GPR4: variants seen among roughly 807,000 people sequenced by gnomAD.
The protein encoded by GPR4 is G protein-coupled receptor 4, also known as G-prodeshotein coupled receptor 4.
Under a neutral mutation model 17.8 loss-of-function variants are expected in GPR4, and 11 were observed. The observed-to-expected ratio is 0.62, with a 90% CI of 0.39 to 1.02. GPR4 has a LOEUF of 1.02. Ranked by LOEUF, GPR4 falls within the 50% of genes least tolerant of loss-of-function variation. The pLI, the probability that GPR4 is intolerant of heterozygous loss-of-function variation, is 0.00. For synonymous variants in GPR4, 219 were observed against 222.8 expected (o/e 0.98, Z 0.15); for missense variants, 364 against 495.4 (o/e 0.73, Z 2.52).
chr19:45,591,484 AGGCG>A lies in GPR4; in HGVS notation c.379_382del (p.Arg127CysfsTer10). The A allele has an allele frequency of 1.2e-6, 2 of 1,609,402 alleles. No individual in the cohort carries two copies. Among genetic ancestry groups the A allele is most frequent in the Non-Finnish European group, 8.5e-7 (1 of 1,178,002 alleles). ...GGCCACGGCGGTCTTGACGCGGCGC[AGGCG>A]GGCGAAGCGGAGTGGGTGGGCCACA... On this transcript the variant is annotated frameshift_variant, in exon 2 of 2. Coordinates refer to ENST00000323040, the MANE Select transcript of GPR4 (RefSeq NM_005282.3). LOFTEE classifies it high-confidence loss of function. This position sits in a 1 kb window ranked among gnomAD's most constrained non-coding sequence, Gnocchi z 7.6.
At position 45,590,898 on chromosome 19, in the gene GPR4, C is replaced by G; in HGVS notation, c.969G>C (p.Leu323=). ...PQEMANASLT[L]ETPLTSKRNS... is the part of the protein sequence containing the mutation. ...TCCTCTTGGAGGTGAGTGGGGTCTC[C>G]AGGGTGAGCGAGGCATTGGCCATCT... Residue 323 remains leucine, a synonymous_variant, in exon 2 of 2, where the codon CTG becomes CTC. Transcript: ENST00000323040. The G allele has an allele frequency of 6.2e-7, 1 of 1,614,122 alleles. No homozygotes were observed. Among genetic ancestry groups the G allele is most frequent in the Non-Finnish European group, 8.5e-7 (1 of 1,180,032 alleles).
At chr19:45,596,950 T>C (rs1422293240) in intron 1 of GPR4, among the ~76,000 whole-genome samples, 1 of 152,228 alleles carries the variant, frequency 6.6e-6, no homozygotes, top group African/African-American at 2.4e-5. Context: ...TCTGACCTGC[T>C]GGGGCAGCCT....
intron 1 of GPR4, among the ~76,000 whole-genome samples, chr19:45,594,076 A>ATATATATATATATATATATATATATTT (rs1555738331): frequency 2.7e-5 from 2 of 74,036 alleles, no homozygotes; most frequent in Admixed American, 1.4e-4. Context: ...ATATATATAT[A>ATATATATATATATATATATATATATTT]TATATATATA....
At chr19:45,600,229 A>C (rs572407573) in intron 1 of GPR4, among the ~76,000 whole-genome samples, 236 of 152,218 alleles carry the variant, frequency 1.6e-3, no homozygotes, top group Non-Finnish European at 2.6e-3. Flanking sequence ...CCCTTTCGCT[A>C]GTGGGCCTAG....
intron 1 of GPR4, among the ~76,000 whole-genome samples, chr19:45,594,637 C>G (rs918333327): frequency 6.6e-6 from 1 of 152,194 alleles, no homozygotes; most frequent in African/African-American, 2.4e-5. Flanking sequence ...AGAGTGCAGC[C>G]ATCTCTGCTC....
At chr19:45,596,595 C>T (rs962503668) in intron 1 of GPR4, among the ~76,000 whole-genome samples, 4 of 151,952 alleles carry the variant, frequency 2.6e-5, no homozygotes, top group Non-Finnish European at 2.9e-5. Flanking sequence ...CTCACTCTGT[C>T]ATGCAGTAGT....
intron 1 of GPR4, among the ~76,000 whole-genome samples, chr19:45,598,412 C>G (rs751667226): frequency 2.3e-4 from 35 of 152,072 alleles, no homozygotes; most frequent in Middle Eastern, 6.8e-3. Context: ...ACTCGGGTAC[C>G]CGGGCAGGAG....
intron 1 of GPR4, among the ~76,000 whole-genome samples, chr19:45,601,488 G>A (rs1388829347): frequency 6.6e-6 from 1 of 152,034 alleles, no homozygotes; most frequent in Non-Finnish European, 1.5e-5. Flanking sequence ...CTTAGAGTCC[G>A]CCTGCCCCAG....
intron 1 of GPR4, among the ~76,000 whole-genome samples, chr19:45,593,700 G>A (rs1281050361): frequency 6.6e-6 from 1 of 151,248 alleles, no homozygotes; most frequent in Non-Finnish European, 1.5e-5. Context: ...GGCCCAGAGA[G>A]GCTGAGTCAC....
intron 1 of GPR4, among the ~76,000 whole-genome samples, chr19:45,594,076 A>ATATATATATATATATATATATATATATTT (rs1555738331): frequency 1.4e-5 from 1 of 74,004 alleles, no homozygotes; most frequent in African/African-American, 9.8e-5. Context: ...ATATATATAT[A>ATATATATATATATATATATATATATATTT]TATATATATA....
rs747413837 is a variant in GPR4 at position 45,591,911 on chromosome 19, GC to G, written c.-46del. ...GGGGCGCTTCCCCTGGCCCACGGGG[GC>G]TGTGGGGCCACAGGGAGCGGGAGGC... On this transcript the variant is annotated 5_prime_UTR_variant, in exon 2 of 2. Transcript: ENST00000323040. The surrounding 1 kb of genome is among the most constrained non-coding windows in gnomAD (Gnocchi z 7.6). 27 of 1,523,118 alleles carry G rather than the reference GC, an allele frequency of 1.8e-5. No individual in the cohort carries two copies. In the South Asian group the frequency reaches 3.4e-4, roughly 19 times the overall value. 94.4% of individuals were successfully genotyped at this position (1,523,118 alleles called of 1,614,324 possible).
At position 45,591,807 on chromosome 19, in the gene GPR4, C is replaced by T; in HGVS notation, c.60G>A (p.Pro20=). 1.2e-6 allele frequency: 2 copies of T among 1,605,768 alleles called. No individual in the cohort carries two copies. The highest frequency in any genetic ancestry group is 8.5e-7 in the Non-Finnish European group (1 of 1,174,648). The change falls in exon 2 of 2, where the codon CCG becomes CCA. Residue 20 remains proline, a synonymous_variant. Transcript: ENST00000323040. The surrounding 1 kb of genome is among the most constrained non-coding windows in gnomAD (Gnocchi z 7.6). ...HVDSRVDHLF[P]PSLYIFVIGV... ...CGATGACAAAGATGTAGAGGGATGGCGGAAAGAGGTGGTCCACGCGCGAGT... is the reference window on the plus strand; with the variant it reads ...CGATGACAAAGATGTAGAGGGATGGTGGAAAGAGGTGGTCCACGCGCGAGT...
At chr19:45,597,583 A>G (rs1970070469) in intron 1 of GPR4, among the ~76,000 whole-genome samples, 1 of 152,192 alleles carries the variant, frequency 6.6e-6, no homozygotes, top group Non-Finnish European at 1.5e-5. Context: ...AGCATACAGT[A>G]GGTGCTCAAT....
chr19:45,600,495 C>T (rs1970101703), intron 1 of GPR4, among the ~76,000 whole-genome samples: 1 of 152,138 alleles, frequency 6.6e-6, no homozygotes, highest in South Asian at 2.1e-4. Flanking sequence ...CTTCTAAAAC[C>T]CTCCCTTCTG....
At position 45,590,047 on chromosome 19, in the gene GPR4, G is replaced by A. The variant is rs941274249; in HGVS notation, c.*731C>T. On this transcript the variant is annotated 3_prime_UTR_variant, in exon 2 of 2. Transcript: ENST00000323040. ...CCTCAGTCTTGACTTGGAGATCGCT[G>A]TTTATCTAGAAACTTAGAATTGCGG... 3.3e-5 allele frequency: 5 copies of A among 152,154 alleles called. No homozygotes were observed. The highest frequency in any genetic ancestry group is 1.2e-4 in the African/African-American group (5 of 41,416). 9.4% of individuals were successfully genotyped at this position (152,154 alleles called of 1,614,324 possible).
rs1033451603 is a variant in GPR4, at chr19:45,589,835, C to G, written c.*943G>C. ...TGAGCCCTGTGAAGGCAAGGCCAGG[C>G]TGCCTCAGTCATTGTTGTGTCCCCA... On this transcript the variant is annotated 3_prime_UTR_variant, in exon 2 of 2. Coordinates refer to ENST00000323040, the MANE Select transcript of GPR4 (RefSeq NM_005282.3). 6.6e-6 allele frequency: 1 copy of G among 152,340 alleles called. No homozygotes were observed. Among genetic ancestry groups the G allele is most frequent in the Non-Finnish European group, 1.5e-5 (1 of 68,118 alleles). 9.4% of individuals were successfully genotyped at this position (152,340 alleles called of 1,614,324 possible).
chr19:45,595,319 A>ATAAAT (rs1312932944), intron 1 of GPR4, among the ~76,000 whole-genome samples: 1 of 63,802 alleles, frequency 1.6e-5, no homozygotes, highest in Non-Finnish European at 3.7e-5. Flanking sequence ...AAATAAATAA[A>ATAAAT]AAATAACTGG....
At chr19:45,601,815 C>A (rs570734532) in intron 1 of GPR4, among the ~76,000 whole-genome samples, 13 of 151,798 alleles carry the variant, frequency 8.6e-5, no homozygotes, top group African/African-American at 3.1e-4. Flanking sequence ...GACAGACAGA[C>A]GGAGACAGAG....
chr19:45,597,988 C>T (rs1970075310), intron 1 of GPR4, among the ~76,000 whole-genome samples: 1 of 152,094 alleles, frequency 6.6e-6, no homozygotes, highest in African/African-American at 2.4e-5. Flanking sequence ...GTACTCCAGG[C>T]TGGAACAGTG....
Sources: allele counts gnomAD v4.1 joint callset (sites outside exome capture counted in the v4.1 genomes callset), GRCh38; gene constraint gnomAD v4.1.1; non-coding constraint Gnocchi (gnomAD v3.1); transcripts MANE v1.5; gene names NCBI Gene and HGNC (gene_info 2026-07-23, HGNC 2026-07-21).